PARD3B: variants seen among roughly 807,000 people sequenced by gnomAD.
PARD3B encodes the protein par-3 family cell polarity regulator beta.
Under a neutral mutation model 130.2 loss-of-function variants are expected in PARD3B, and 103 were observed. The ratio of observed to expected loss-of-function variants is 0.79; its 90% CI spans 0.67 to 0.93. The LOEUF (loss-of-function observed/expected upper bound fraction) is 0.93, where lower values mean the gene tolerates loss of function less well. PARD3B is among the 40% of genes least tolerant of loss of function. PARD3B has a pLI of 0.00. For missense variants in PARD3B, 1,609 were observed against 1,499.2 expected (o/e 1.07, Z -1.21); for synonymous variants, 583 against 553.2 (o/e 1.05, Z -0.76).
At chr2:204,948,969 T>C (rs1689552428) in intron 2 of PARD3B, among the ~76,000 whole-genome samples, 1 of 152,186 alleles carries the variant, frequency 6.6e-6, no homozygotes, top group Admixed American at 6.5e-5. Context: ...GTACTGGTTT[T>C]CTAGAGTACT....
rs916110328 is a variant in PARD3B at position 204,844,166 on chromosome 2, T to C, written c.223-120986T>C. 7.2e-5 allele frequency among the ~76,000 whole-genome samples: 11 copies of C among 152,198 alleles called. 1 individual carries two copies. Among genetic ancestry groups the C allele is most frequent in the African/African-American group, 1.9e-4 (8 of 41,420 alleles). ...AGGAAGTGGTTACCTTTTAAATGTGTGCACTTATGTTTGTTTTTAATCCAA... is the reference window on the plus strand; with the variant it reads ...AGGAAGTGGTTACCTTTTAAATGTGCGCACTTATGTTTGTTTTTAATCCAA... On this transcript the variant is annotated intron_variant, in intron 2 of 22. Transcript: ENST00000406610.
At chr2:205,201,465 T>C (rs2036982861) in intron 15 of PARD3B, among the ~76,000 whole-genome samples, 3 of 152,216 alleles carry the variant, frequency 2.0e-5, no homozygotes, top group Non-Finnish European at 4.4e-5. Flanking sequence ...GAGACCATCA[T>C]ATATTTTTCA....
rs2053227188 is a variant in PARD3B, at chr2:205,563,867, C to A, written c.3260+10464C>A. Among the ~76,000 whole-genome samples the A allele has an allele frequency of 6.6e-6, 1 of 152,150 alleles. No individual in the cohort carries two copies. Among genetic ancestry groups the A allele is most frequent in the African/African-American group, 2.4e-5 (1 of 41,430 alleles). ...CCCCTAGGGCTGCACAGACCATGTG[C>A]ATGGACCAGGTCCCCAGCCCCTAGA... is the stretch of plus-strand genomic sequence containing the variant. On this transcript the variant is annotated intron_variant, in intron 22 of 22. Transcript: ENST00000406610. The surrounding 1 kb of genome is among the most constrained non-coding windows in gnomAD (Gnocchi z 4.2).
intron 2 of PARD3B, among the ~76,000 whole-genome samples, chr2:204,948,537 T>C (rs1689515101): frequency 6.6e-6 from 1 of 152,282 alleles, no homozygotes; most frequent in South Asian, 2.1e-4. Context: ...AGCTCCCAGT[T>C]CTGACCACAT....
At chr2:204,869,098 A>G (rs534221900) in intron 2 of PARD3B, among the ~76,000 whole-genome samples, 39 of 152,200 alleles carry the variant, frequency 2.6e-4, no homozygotes, top group African/African-American at 8.2e-4. Context: ...TTTTGTTGCT[A>G]TCAATTATCT....
chr2:204,643,115 C>CCAAAAAAAAAAAAAAAAAAA (rs557257879), intron 1 of PARD3B, among the ~76,000 whole-genome samples: 1 of 31,826 alleles, frequency 3.1e-5, no homozygotes, highest in Admixed American at 5.8e-4. Flanking sequence ...CTCTGTCTCA[C>CCAAAAAAAAAAAAAAAAAAA]AAAAAAAAAA....
At position 205,575,533 on chromosome 2, in the gene PARD3B, C is replaced by T. The variant is rs2106557691; in HGVS notation, c.3260+22130C>T. ...ATCTTAAGTGCTCTTCCTAGTCATA[C>T]CCCACTCCACACCATTACCCCTAGC... On this transcript the variant is annotated intron_variant, in intron 22 of 22. Transcript: ENST00000406610. The surrounding 1 kb of genome is among the most constrained non-coding windows in gnomAD (Gnocchi z 4.6). Among the ~76,000 whole-genome samples, 1 of 152,234 alleles carries T rather than the reference C, an allele frequency of 6.6e-6. No individual in the cohort carries two copies. Among genetic ancestry groups the T allele is most frequent in the East Asian group, 1.9e-4 (1 of 5,172 alleles).
At position 205,401,018 on chromosome 2, in the gene PARD3B, G is replaced by A; in HGVS notation, c.2636G>A (p.Gly879Glu). ...TCTCCTTCACGTTTCACTAGATTTG[G>A]AAAGAAGAAAGAGGATAAGGGTGGA... ...KKGFGAMLRF[G>E]KKKEDKGGKA... Residue 879 changes from glycine (G) to glutamate (E), a missense_variant, in exon 19 of 23, where the codon GGA (glycine) becomes GAA (glutamate). Physicochemically the swap from Gly to Glu is moderately conservative, Grantham distance 98 (BLOSUM62 -2). Coordinates refer to ENST00000406610, the MANE Select transcript of PARD3B (RefSeq NM_001302769.2). 1.3e-6 allele frequency: 2 copies of A among 1,594,050 alleles called. No homozygotes were observed.
intron 2 of PARD3B, among the ~76,000 whole-genome samples, chr2:204,931,933 G>A (rs1206881731): frequency 6.6e-6 from 1 of 151,988 alleles, no homozygotes; most frequent in East Asian, 1.9e-4. Flanking sequence ...AAAGACCTTT[G>A]ATTATGAGCA....
intron 1 of PARD3B, among the ~76,000 whole-genome samples, chr2:204,564,845 T>A (rs560606135): frequency 6.6e-6 from 1 of 152,250 alleles, no homozygotes; most frequent in Non-Finnish European, 1.5e-5. Flanking sequence ...ATTGTAGATA[T>A]GCTTTTTGTA....
chr2:205,064,748 T>C (rs1397985605), intron 4 of PARD3B, among the ~76,000 whole-genome samples: 2 of 152,176 alleles, frequency 1.3e-5, no homozygotes, highest in African/African-American at 4.8e-5. Context: ...AGGAAAAAGA[T>C]GGCTTGATGT....
intron 22 of PARD3B, among the ~76,000 whole-genome samples, chr2:205,574,675 G>C (rs2053682416): frequency 6.6e-6 from 1 of 152,044 alleles, no homozygotes; most frequent in Non-Finnish European, 1.5e-5. Flanking sequence ...CATGCTGCCT[G>C]AACATTTAGC....
rs1421257982 is a variant in PARD3B, at chr2:205,291,541, T to C, written c.2186-8989T>C. On this transcript the variant is annotated intron_variant, in intron 16 of 22. Coordinates refer to ENST00000406610, the MANE Select transcript of PARD3B (RefSeq NM_001302769.2). This position sits in a 1 kb window ranked among gnomAD's most constrained non-coding sequence, Gnocchi z 4.6. ...AAGGTAGAACTTGTAAGTGATGAAA[T>C]TGGGTATTTAGCTGAAGCTATTTGT... Among the ~76,000 whole-genome samples, 1 of 152,224 alleles carries C rather than the reference T, an allele frequency of 6.6e-6. No individual in the cohort carries two copies. Among genetic ancestry groups the C allele is most frequent in the Non-Finnish European group, 1.5e-5 (1 of 68,042 alleles).
chr2:205,606,481 G>A (rs1437676929), intron 22 of PARD3B, among the ~76,000 whole-genome samples: 1 of 151,946 alleles, frequency 6.6e-6, no homozygotes, highest in Non-Finnish European at 1.5e-5. Context: ...CTCAGTAGCT[G>A]GTGCAGAATT....
chr2:205,411,260 T>C lies in PARD3B; in HGVS notation c.2741+10137T>C, dbSNP rs116090511. Among the ~76,000 whole-genome samples the C allele has an allele frequency of 3.4e-3, 521 of 152,252 alleles. 7 individuals are homozygous for C. Among genetic ancestry groups the C allele is most frequent in the African/African-American group, 0.012 (493 of 41,544 alleles). The stretch of plus-strand genomic sequence containing the variant: ...GATAGATAGATAGATATAATAGAAA[T>C]ATACTACAGATATTTTAGTAAGTCT... On this transcript the variant is annotated intron_variant, in intron 19 of 22. Coordinates refer to ENST00000406610, the MANE Select transcript of PARD3B (RefSeq NM_001302769.2).
At chr2:204,616,751 G>A (rs181867248) in intron 1 of PARD3B, among the ~76,000 whole-genome samples, 7 of 152,314 alleles carry the variant, frequency 4.6e-5, no homozygotes, top group African/African-American at 1.7e-4. Context: ...CTGAATAAAT[G>A]ATGGTACATC....
chr2:205,554,675 C>A (rs556253398), intron 22 of PARD3B, among the ~76,000 whole-genome samples: 2 of 152,044 alleles, frequency 1.3e-5, no homozygotes, highest in African/African-American at 4.8e-5. Context: ...AATCTCAGAT[C>A]GAAAATATCC....
intron 2 of PARD3B, among the ~76,000 whole-genome samples, chr2:204,780,697 C>CT (rs2041804964): frequency 6.6e-6 from 1 of 152,062 alleles, no homozygotes; most frequent in South Asian, 2.1e-4. Flanking sequence ...AGCTACGTAT[C>CT]TGAGTGGAAA....
rs547626499 is a variant in PARD3B at position 205,176,872 on chromosome 2, T to G, written c.1924+295T>G. 3.3e-5 allele frequency among the ~76,000 whole-genome samples: 5 copies of G among 152,326 alleles called. No individual in the cohort carries two copies. Among genetic ancestry groups the G allele is most frequent in the African/African-American group, 1.2e-4 (5 of 41,568 alleles). The stretch of plus-strand genomic sequence containing the variant: ...AGAATCAAAGATGGCAAACTGTTAT[T>G]TTTAAGCTCTTCTAATACTGGAAGT... On this transcript the variant is annotated intron_variant, in intron 13 of 22. Transcript: ENST00000406610. This position sits in a 1 kb window ranked among gnomAD's most constrained non-coding sequence, Gnocchi z 5.3.
Sources: allele counts gnomAD v4.1 joint callset (sites outside exome capture counted in the v4.1 genomes callset), GRCh38; gene constraint gnomAD v4.1.1; non-coding constraint Gnocchi (gnomAD v3.1); transcripts MANE v1.5; gene names NCBI Gene and HGNC (gene_info 2026-07-23, HGNC 2026-07-21).